The following MAST4 variants were observed in gnomAD, a reference collection of about 807,000 sequenced individuals.
The protein encoded by MAST4 is microtubule-associated serine/threonine-protein kinase 4.
In MAST4, 89 loss-of-function variants were observed where a neutral mutation model predicts 162.7. The observed-to-expected ratio is 0.55, with a 90% CI of 0.46 to 0.65. MAST4 has a LOEUF of 0.65. MAST4 is among the 30% of genes least tolerant of loss of function. The probability of loss-of-function intolerance (pLI) is 0.00; values close to 1 mark genes in which losing one functional copy is unlikely to be tolerated. For missense variants in MAST4, 3,153 were observed against 3,374.0 expected, an observed-to-expected ratio of 0.93 and a Z score of 1.62; for synonymous variants, 1,479 against 1,361.1, an observed-to-expected ratio of 1.09 and a Z score of -1.91.
At chr5:67,162,570 A>C (rs571542193) in intron 27 of MAST4, 37 bp from the exon 28 acceptor site, 4 of 1,604,944 alleles carry the variant, frequency 2.5e-6, no homozygotes, top group East Asian at 2.2e-5. Context: ...AATAGTTCTG[A>C]AAGAAGACTG....
intron 4 of MAST4, among the ~76,000 whole-genome samples, chr5:66,903,436 G>GTT (rs1763136870): frequency 9.2e-6 from 1 of 108,742 alleles, no homozygotes; most frequent in South Asian, 3.1e-4. Flanking sequence ...TCACACCTGT[G>GTT]TTTGTGTGTG....
chr5:66,727,349 C>T (rs1286784005), intron 1 of MAST4, among the ~76,000 whole-genome samples: 2 of 152,124 alleles, frequency 1.3e-5, no homozygotes, highest in African/African-American at 4.8e-5. Flanking sequence ...TCAGTTTCTG[C>T]AAAATGACTC....
chr5:66,607,218 C>T (rs546115285), intron 1 of MAST4, among the ~76,000 whole-genome samples: 1 of 152,278 alleles, frequency 6.6e-6, no homozygotes, highest in East Asian at 1.9e-4. Flanking sequence ...TGATCAATTG[C>T]TGAATAAATG....
intron 4 of MAST4, chr5:66,986,510 A>G (rs746517867): frequency 5.1e-6 from 8 of 1,554,088 alleles, no homozygotes; most frequent in East Asian, 4.7e-5. Context: ...TAAATAAAAC[A>G]TATCCAAAGC....
rs1392585768 is a variant in MAST4 at position 66,684,352 on chromosome 5, C to CAGG, written c.364-75355_364-75354insGAG. Reference sequence around the variant, plus strand: ...GGAAAATGTAGTGCTTCTTTTCTTCCAGCTATTTTTTTTTCTCTTTTCTTT... The same window carrying CAGG: ...GGAAAATGTAGTGCTTCTTTTCTTCCAGGAGCTATTTTTTTTTCTCTTTTCTTT... On this transcript the variant is annotated intron_variant, in intron 1 of 28. Transcript: ENST00000403625. Among the ~76,000 whole-genome samples, 9 of 49,502 alleles carry CAGG rather than the reference C, an allele frequency of 1.8e-4. No homozygotes were observed. The African/African-American group carries it at 2.2e-3, about 12-fold the overall frequency. 32.5% of individuals were successfully genotyped at this position (49,502 alleles called of 152,430 possible).
intron 5 of MAST4, among the ~76,000 whole-genome samples, chr5:67,081,709 A>T (rs962433667): frequency 2.0e-5 from 3 of 152,180 alleles, no homozygotes; most frequent in Non-Finnish European, 4.4e-5. Flanking sequence ...TATAAAAATA[A>T]TTTTTTTCAA....
rs967396842 is a variant in MAST4 at position 67,168,273 on chromosome 5, A to G, written c.*1222A>G. The G allele has an allele frequency of 2.0e-5, 3 of 151,802 alleles. No individual in the cohort carries two copies. Among genetic ancestry groups the G allele is most frequent in the African/African-American group, 4.8e-5 (2 of 41,296 alleles). 9.4% of individuals were successfully genotyped at this position (151,802 alleles called of 1,614,324 possible). A position where few individuals can be genotyped will look rare whatever the true frequency, so the allele number is the denominator to read the frequency against. On this transcript the variant is annotated 3_prime_UTR_variant, in exon 29 of 29. Transcript: ENST00000403625. ...TAGCAAGTTCCTGGGTTTCACATTC[A>G]TTTCTGCTGCATCTAGTAGCTCCAC...
chr5:67,152,569 G>A, intron 24 of MAST4, 68 bp from the exon 25 acceptor site: 3 of 1,308,014 alleles, frequency 2.3e-6, no homozygotes, highest in East Asian at 2.3e-5. Context: ...GGCTCATGGG[G>A]TGAGGGTTGC....
chr5:66,713,391 A>G (rs2149526794), intron 1 of MAST4, among the ~76,000 whole-genome samples: 1 of 152,252 alleles, frequency 6.6e-6, no homozygotes, highest in South Asian at 2.1e-4. Context: ...GAGTGGCTGA[A>G]ATTTAGTTTT....
rs115397233 is a variant in MAST4 at position 67,160,387 on chromosome 5, C to T, written c.3649-69C>T. ...TTTCTATTTGTATTTGTCTATGAAT[C>T]TCTCATCTCTGTTCTGATCTTGCTT... On this transcript the variant is annotated intron_variant, in intron 26 of 28. Coordinates refer to ENST00000403625, the MANE Select transcript of MAST4 (RefSeq NM_001164664.2). 2,890 of 1,407,154 alleles carry T rather than the reference C, an allele frequency of 2.1e-3. 43 individuals carry two copies. In the African/African-American group the frequency reaches 0.038, roughly 18 times the overall value. The allele number at this position is 1,407,154 out of a possible 1,614,324, so 87.2% of individuals were successfully genotyped here.
At chr5:66,747,676 C>T (rs1294613609) in intron 1 of MAST4, among the ~76,000 whole-genome samples, 3 of 152,098 alleles carry the variant, frequency 2.0e-5, no homozygotes, top group Admixed American at 6.5e-5. Context: ...AGCAAGGTGA[C>T]GCACTCAAAA....
chr5:67,078,304 T>C (rs1189264439), intron 5 of MAST4, among the ~76,000 whole-genome samples: 1 of 149,476 alleles, frequency 6.7e-6, no homozygotes, highest in Non-Finnish European at 1.5e-5. Context: ...AAACCAGTCT[T>C]CAATATATTG....
chr5:66,836,752 G>A (rs933398622), intron 3 of MAST4, among the ~76,000 whole-genome samples: 9 of 152,020 alleles, frequency 5.9e-5, no homozygotes, highest in South Asian at 2.1e-4. Flanking sequence ...CTGAGTACCC[G>A]TGGACAAAAA....
At chr5:67,131,576 C>G (rs1407550708) in intron 15 of MAST4, among the ~76,000 whole-genome samples, 1 of 152,148 alleles carries the variant, frequency 6.6e-6, no homozygotes, top group African/African-American at 2.4e-5. Context: ...AGTACAGTTT[C>G]ACTTCAGAGC....
At chr5:66,719,071 G>T (rs1425241849) in intron 1 of MAST4, among the ~76,000 whole-genome samples, 1 of 152,188 alleles carries the variant, frequency 6.6e-6, no homozygotes, top group Non-Finnish European at 1.5e-5. Context: ...CAGAATGGTT[G>T]GGGTGAGTTA....
intron 3 of MAST4, among the ~76,000 whole-genome samples, chr5:66,817,360 C>T (rs976263431): frequency 1.3e-5 from 2 of 152,186 alleles, no homozygotes; most frequent in Non-Finnish European, 2.9e-5. Context: ...TCCCTAATCT[C>T]CTGTCATTGC....
intron 3 of MAST4, among the ~76,000 whole-genome samples, chr5:66,837,894 ATTTTTTTTTTTTTTTTTT>A (rs754095073): frequency 3.5e-4 from 19 of 53,672 alleles, no homozygotes; most frequent in African/African-American, 1.9e-3. Context: ...ATATATATAT[ATTTTTTTTTTTTTTTTTT>A]TTTTTAATGT....
At chr5:67,117,383 A>G (rs1392458135) in intron 12 of MAST4, among the ~76,000 whole-genome samples, 2 of 152,186 alleles carry the variant, frequency 1.3e-5, no homozygotes, top group Non-Finnish European at 2.9e-5. Context: ...TCTAGAATTT[A>G]TACATTTTTA....
At position 67,165,066 on chromosome 5, in the gene MAST4, C is replaced by G; in HGVS notation, c.5887C>G (p.Pro1963Ala). The G allele has an allele frequency of 6.2e-7, 1 of 1,602,056 alleles. No individual in the cohort carries two copies. Among genetic ancestry groups the G allele is most frequent in the Non-Finnish European group, 8.5e-7 (1 of 1,174,392 alleles). The change falls in exon 29 of 29, where the codon CCC becomes GCC. Residue 1963 changes from proline to alanine, a missense_variant. Physicochemically the swap from Pro to Ala is conservative, Grantham distance 27. Transcript: ENST00000403625. ...PRCPLPPEAS[P>A]SREKPGLRES... ...CTGCCCGCTCCCACCTGAAGCTTCC[C>G]CCTCAAGGGAGAAGCCAGGCCTGAG...
Sources: allele counts gnomAD v4.1 joint callset (sites outside exome capture counted in the v4.1 genomes callset), GRCh38; gene constraint gnomAD v4.1.1; transcripts MANE v1.5; gene names NCBI Gene and HGNC (gene_info 2026-07-23, HGNC 2026-07-21).